Variants in NKAIN2 observed in about 807,000 individuals in gnomAD.
NKAIN2 encodes sodium/potassium transporting ATPase interacting 2, also known as sodium/potassium-transporting ATPase subunit beta-1-interacting protein 2.
NKAIN2 carries 14 observed loss-of-function variants against 32.6 expected under a neutral mutation model. The observed-to-expected ratio is 0.43, with a 90% CI of 0.28 to 0.67. The LOEUF (loss-of-function observed/expected upper bound fraction) is 0.67, where lower values mean the gene tolerates loss of function less well. Ranked by LOEUF, NKAIN2 falls within the 30% of genes least tolerant of loss-of-function variation. The probability of loss-of-function intolerance (pLI) is 0.17; values close to 1 mark genes in which losing one functional copy is unlikely to be tolerated. For synonymous variants in NKAIN2, 80 were observed against 87.2 expected, an observed-to-expected ratio of 0.92 and a Z score of 0.46; for missense variants, 198 against 258.3, an observed-to-expected ratio of 0.77 and a Z score of 1.60.
At chr6:123,885,056 GTAA>G (rs1299791876) in intron 1 of NKAIN2, among the ~76,000 whole-genome samples, 1 of 152,106 alleles carries the variant, frequency 6.6e-6, no homozygotes, top group East Asian at 1.9e-4. Flanking sequence ...ACAGAAAGAA[GTAA>G]TAATATACTC....
chr6:124,309,368 G>A (rs896289431), intron 2 of NKAIN2, among the ~76,000 whole-genome samples: 3 of 151,944 alleles, frequency 2.0e-5, no homozygotes, highest in African/African-American at 7.3e-5. Context: ...GAAATTTTTG[G>A]GGGATAATTT....
chr6:124,403,068 A>G (rs1463911953), intron 3 of NKAIN2, among the ~76,000 whole-genome samples: 2 of 151,834 alleles, frequency 1.3e-5, no homozygotes, highest in Non-Finnish European at 3.0e-5. Flanking sequence ...TTTTTGTATC[A>G]GAATTACGTT....
intron 1 of NKAIN2, among the ~76,000 whole-genome samples, chr6:123,911,803 A>ATATATATATATGTATATATATATATATG (rs1562253423): frequency 9.1e-5 from 9 of 98,616 alleles, no homozygotes; most frequent in Admixed American, 2.4e-4. Flanking sequence ...ATATATATGT[A>ATATATATATATGTATATATATATATATG]TATATATATA....
intron 3 of NKAIN2, among the ~76,000 whole-genome samples, chr6:124,371,563 G>A (rs190661320): frequency 1.3e-3 from 204 of 151,828 alleles, no homozygotes; most frequent in Admixed American, 3.8e-3. Flanking sequence ...GCATGGTGAC[G>A]TGTGCCTGTA....
intron 3 of NKAIN2, among the ~76,000 whole-genome samples, chr6:124,386,757 T>C (rs1285965973): frequency 6.6e-6 from 1 of 152,166 alleles, no homozygotes; most frequent in East Asian, 1.9e-4. Context: ...CTCACAAATC[T>C]ACCTGGATGG....
chr6:124,472,570 G>A (rs1777017202), intron 3 of NKAIN2, among the ~76,000 whole-genome samples: 1 of 151,952 alleles, frequency 6.6e-6, no homozygotes, highest in Non-Finnish European at 1.5e-5. Context: ...ATGAGTCAGA[G>A]GAAGCTTTTC....
intron 3 of NKAIN2, among the ~76,000 whole-genome samples, chr6:124,558,562 A>G (rs907901342): frequency 3.3e-5 from 5 of 152,104 alleles, no homozygotes; most frequent in Non-Finnish European, 5.9e-5. Flanking sequence ...TTTAAGGTCT[A>G]TTTTTGGAAT....
At chr6:124,526,099 G>T (rs1206422624) in intron 3 of NKAIN2, among the ~76,000 whole-genome samples, 1 of 152,080 alleles carries the variant, frequency 6.6e-6, no homozygotes, top group Non-Finnish European at 1.5e-5. Context: ...TATGCAATGG[G>T]AATCTTCTAG....
In NKAIN2 at chr6:124,292,472, T is replaced by A. The variant is rs555474423; in HGVS notation, c.192+9330T>A. Among the ~76,000 whole-genome samples, 24 of 152,210 alleles carry A rather than the reference T, an allele frequency of 1.6e-4. No homozygotes were observed. In the East Asian group the frequency reaches 2.9e-3, roughly 18 times the overall value. On this transcript the variant is annotated intron_variant, in intron 2 of 6. Transcript: ENST00000368417. ...GAACCAAAAGTGTAACAATAACTAT[T>A]AGATTGCATTAAGTATGTTTTACTT...
intron 3 of NKAIN2, among the ~76,000 whole-genome samples, chr6:124,428,647 T>C (rs1406299022): frequency 6.6e-6 from 1 of 152,126 alleles, no homozygotes; most frequent in Non-Finnish European, 1.5e-5. Flanking sequence ...CAGAAGCTAT[T>C]CTCAGAGAAC....
At chr6:124,595,109 G>A (rs1782037020) in intron 3 of NKAIN2, among the ~76,000 whole-genome samples, 1 of 152,150 alleles carries the variant, frequency 6.6e-6, no homozygotes, top group Admixed American at 6.5e-5. Flanking sequence ...GAAGGTGTGG[G>A]GACCACCCCA....
At chr6:123,822,674 A>G (rs922488400) in intron 1 of NKAIN2, among the ~76,000 whole-genome samples, 5 of 152,132 alleles carry the variant, frequency 3.3e-5, no homozygotes, top group African/African-American at 1.2e-4. Flanking sequence ...TTGTGAAAGG[A>G]TAGAGTTGGG....
intron 1 of NKAIN2, among the ~76,000 whole-genome samples, chr6:124,010,859 A>G (rs1582924634): frequency 6.6e-6 from 1 of 152,220 alleles, no homozygotes; most frequent in African/African-American, 2.4e-5. Flanking sequence ...GGAAAATGGC[A>G]AGGACTGGGG....
chr6:124,139,822 G>A lies in NKAIN2; in HGVS notation c.55-143183G>A, dbSNP rs866345045. ...TGGAGAACACTAGTGTTTGGGAGAAGAAGGATATTTATTTCTCTTTCCTTT... is the reference window on the plus strand; with the variant it reads ...TGGAGAACACTAGTGTTTGGGAGAAAAAGGATATTTATTTCTCTTTCCTTT... On this transcript the variant is annotated intron_variant, in intron 1 of 6. Transcript: ENST00000368417. Among the ~76,000 whole-genome samples, 5 of 152,274 alleles carry A rather than the reference G, an allele frequency of 3.3e-5. No homozygotes were observed. In the South Asian group the frequency reaches 1.0e-3, roughly 32 times the overall value.
chr6:124,595,506 A>G (rs1035549960), intron 3 of NKAIN2, among the ~76,000 whole-genome samples: 1 of 152,162 alleles, frequency 6.6e-6, no homozygotes, highest in Non-Finnish European at 1.5e-5. Flanking sequence ...GAAGATCTGG[A>G]TTTGAAAGAA....
chr6:124,211,087 G>A (rs1018042328), intron 1 of NKAIN2, among the ~76,000 whole-genome samples: 1 of 151,616 alleles, frequency 6.6e-6, no homozygotes, highest in Non-Finnish European at 1.5e-5. Context: ...AGGTGACATT[G>A]GCAAAAATGA....
At chr6:123,910,615 T>G (rs956965574) in intron 1 of NKAIN2, among the ~76,000 whole-genome samples, 1 of 147,902 alleles carries the variant, frequency 6.8e-6, no homozygotes, top group Non-Finnish European at 1.5e-5. Context: ...GCAATTCTCC[T>G]GCCTCAGCCT....
intron 4 of NKAIN2, among the ~76,000 whole-genome samples, chr6:124,692,022 G>A (rs1175090922): frequency 1.3e-5 from 2 of 152,050 alleles, no homozygotes; most frequent in Non-Finnish European, 2.9e-5. Flanking sequence ...AATATAAAAT[G>A]CGATATTCGA....
intron 3 of NKAIN2, among the ~76,000 whole-genome samples, chr6:124,608,124 C>T (rs1014785789): frequency 7.9e-5 from 12 of 152,074 alleles, no homozygotes; most frequent in South Asian, 2.1e-4. Context: ...GCTCACAAAC[C>T]GAAGCCAAAA....
Sources: allele counts gnomAD v4.1 joint callset (sites outside exome capture counted in the v4.1 genomes callset), GRCh38; gene constraint gnomAD v4.1.1; transcripts MANE v1.5; gene names NCBI Gene and HGNC (gene_info 2026-07-23, HGNC 2026-07-21).